The following FAH variants were observed in gnomAD, a reference collection of about 807,000 sequenced individuals.
FAH encodes fumarylacetoacetase.
Under a neutral mutation model 55.8 loss-of-function variants are expected in FAH, and 47 were observed. That is an observed-to-expected ratio of 0.84 (90% CI 0.67 to 1.07). The LOEUF (loss-of-function observed/expected upper bound fraction) is 1.07, where lower values mean the gene tolerates loss of function less well. FAH is among the 50% of genes least tolerant of loss of function. The pLI is 0.00. For missense variants in FAH, 495 were observed against 545.9 expected (o/e 0.91, Z 0.93); for synonymous variants, 199 against 207.7 (o/e 0.96, Z 0.36).
In FAH at chr15:80,160,414, T is replaced by C. The variant is rs1378780911; in HGVS notation, c.319T>C (p.Phe107Leu). Residue 107 changes from phenylalanine to leucine, a missense_variant, in exon 4 of 14, where the codon TTC (phenylalanine) becomes CTC (leucine). Phe to Leu is a conservative substitution (Grantham distance 22). Coordinates refer to ENST00000561421, the MANE Select transcript of FAH (RefSeq NM_000137.4). Reference sequence around the variant, plus strand: ...GCCCCTGGTTCTGTGTTTCAGTGCATTCATCTCCCAGGCTTCTGCCACGAT... The same window carrying C: ...GCCCCTGGTTCTGTGTTTCAGTGCACTCATCTCCCAGGCTTCTGCCACGAT... ...RDDTELRKCAFISQASATMHL... is the reference protein window; with the variant it reads ...RDDTELRKCALISQASATMHL... The C allele has an allele frequency of 6.2e-7, 1 of 1,614,126 alleles. No homozygotes were observed. The highest frequency in any genetic ancestry group is 8.5e-7 in the Non-Finnish European group (1 of 1,180,048).
intron 5 of FAH, among the ~76,000 whole-genome samples, chr15:80,165,724 AG>A (rs1195521892): frequency 1.3e-5 from 2 of 150,548 alleles, no homozygotes; most frequent in Non-Finnish European, 3.0e-5. Flanking sequence ...AAAAAAAAAA[AG>A]GTACAGTAAT....
At chr15:80,158,280 G>C (rs1005638172) in intron 2 of FAH, 110 bp downstream of exon 2, 19 of 847,968 alleles carry the variant, frequency 2.2e-5, no homozygotes, top group African/African-American at 2.1e-4. Context: ...GCCATCGAAG[G>C]TCTCAGAGGT....
In FAH at chr15:80,175,100, T is replaced by C. The variant is rs1263573218; in HGVS notation, c.913+9T>C. On this transcript the variant is annotated intron_variant, in intron 10 of 13. Coordinates refer to ENST00000561421, the MANE Select transcript of FAH (RefSeq NM_000137.4). ...CTCTGTTAACCTGAAAGGTATGTTG[T>C]AGGGGGACTGACATGGCCAGGAGCT... is the stretch of plus-strand genomic sequence containing the variant. 1 of 1,612,648 alleles carries C rather than the reference T, an allele frequency of 6.2e-7. No homozygotes were observed. The highest frequency in any genetic ancestry group is 1.7e-5 in the Admixed American group (1 of 60,034).
intron 8 of FAH, 114 bp downstream of exon 8, chr15:80,172,362 G>T: frequency 1.3e-6 from 1 of 770,452 alleles, no homozygotes; most frequent in South Asian, 1.4e-5. Flanking sequence ...GTGATGCAGT[G>T]ACTGAGAGTG....
chr15:80,155,854 T>C (rs2041094532), intron 1 of FAH: 2 of 464,492 alleles, frequency 4.3e-6, no homozygotes, highest in African/African-American at 4.0e-5. Context: ...CATTTTCTTC[T>C]ATGCACTTAT....
At position 80,168,251 on chromosome 15, in the gene FAH, G is replaced by A; in HGVS notation, c.554-13G>A. The A allele has an allele frequency of 1.3e-6, 2 of 1,567,988 alleles. No homozygotes were observed. Among genetic ancestry groups the A allele is most frequent in the Non-Finnish European group, 1.7e-6 (2 of 1,155,980 alleles). On this transcript the variant is annotated splice_polypyrimidine_tract_variant and intron_variant, in intron 6 of 13. Transcript: ENST00000561421. ...ACAGCACCGTTTTTTTTTTTTTTCTGGTGTTATTCCAGCTAAGCCTCCCGT... is the reference window on the plus strand; with the variant it reads ...ACAGCACCGTTTTTTTTTTTTTTCTAGTGTTATTCCAGCTAAGCCTCCCGT...
chr15:80,180,272 C>T, intron 12 of FAH, 47 bp downstream of exon 12: 1 of 1,476,128 alleles, frequency 6.8e-7, no homozygotes, highest in Non-Finnish European at 9.4e-7. Context: ...AGCATCCCTG[C>T]TCCCCACACA....
At chr15:80,159,662 A>G (rs908276891) in intron 2 of FAH, 94 bp from the exon 3 acceptor site, 10 of 1,469,402 alleles carry the variant, frequency 6.8e-6, no homozygotes, top group Non-Finnish European at 8.6e-6. Context: ...GAGAAGTGGC[A>G]AGGGCTGGCA....
At chr15:80,183,387 A>G (rs577466715) in intron 13 of FAH, among the ~76,000 whole-genome samples, 1 of 152,258 alleles carries the variant, frequency 6.6e-6, no homozygotes, top group Non-Finnish European at 1.5e-5. Context: ...TGGGCTAAGC[A>G]GGGGGTAAGC....
chr15:80,180,048 G>GCC, intron 11 of FAH, 76 bp from the exon 12 acceptor site: 1 of 1,046,150 alleles, frequency 9.6e-7, no homozygotes. Flanking sequence ...GAGCAGGGCA[G>GCC]GCTGTGCCCA....
rs1165344732 is a variant in FAH, at chr15:80,180,173, G to A, written c.1010G>A (p.Gly337Asp). 6.2e-7 allele frequency: 1 copy of A among 1,610,558 alleles called. No homozygotes were observed. Among genetic ancestry groups the A allele is most frequent in the Non-Finnish European group, 8.5e-7 (1 of 1,179,986 alleles). Residue 337 changes from glycine (G) to aspartate (D), a missense_variant, in exon 12 of 14, where the codon GGC becomes GAC. Physicochemically the swap from Gly to Asp is moderately conservative, Grantham distance 94. Transcript: ENST00000561421. ...CAGCTCACTCACCACTCTGTCAACGGCTGCAACCTGCGGCCGGGGGACCTC... is the reference window on the plus strand; with the variant it reads ...CAGCTCACTCACCACTCTGTCAACGACTGCAACCTGCGGCCGGGGGACCTC... ...LQQLTHHSVN[G>D]CNLRPGDLLA...
At chr15:80,157,849 A>G (rs1285496493) in intron 1 of FAH, 5 of 598,928 alleles carry the variant, frequency 8.3e-6, no homozygotes, top group Non-Finnish European at 1.5e-5. Flanking sequence ...CATTCAGGGA[A>G]CACAGATTAT....
intron 11 of FAH, among the ~76,000 whole-genome samples, 199 bp downstream of exon 11, chr15:80,177,782 G>A (rs1053885012): frequency 1.1e-4 from 16 of 152,184 alleles, no homozygotes; most frequent in African/African-American, 3.9e-4. Flanking sequence ...CTGCATAAAT[G>A]TGGCCAGTGA....
At position 80,158,188 on chromosome 15, in the gene FAH, G is replaced by A. The variant is rs772156602; in HGVS notation, c.192+18G>A. 1.4e-5 allele frequency: 21 copies of A among 1,554,130 alleles called. No individual in the cohort carries two copies. The highest frequency in any genetic ancestry group is 4.1e-5 in the African/African-American group (3 of 73,780). Reference sequence around the variant, plus strand: ...TCAATCAGGTAGGACATTGTGAAACGACTTGTCCCTGACCTCAGTGGCACT... The same window carrying A: ...TCAATCAGGTAGGACATTGTGAAACAACTTGTCCCTGACCTCAGTGGCACT... On this transcript the variant is annotated intron_variant, in intron 2 of 13. Coordinates refer to ENST00000561421, the MANE Select transcript of FAH (RefSeq NM_000137.4).
intron 7 of FAH, among the ~76,000 whole-genome samples, chr15:80,170,758 G>A (rs2041234058): frequency 6.6e-6 from 1 of 152,208 alleles, no homozygotes; most frequent in South Asian, 2.1e-4. Flanking sequence ...TAGTGCTTTT[G>A]GGTTCTTTTT....
At chr15:80,161,089 G>A (rs907221783) in intron 4 of FAH, among the ~76,000 whole-genome samples, 2 of 152,120 alleles carry the variant, frequency 1.3e-5, no homozygotes, top group Admixed American at 6.5e-5. Context: ...GGCTGCTTGG[G>A]CTAAGCTGAC....
chr15:80,175,129 A>G (rs1229956866), intron 10 of FAH, 38 bp downstream of exon 10: 1 of 1,576,198 alleles, frequency 6.3e-7, no homozygotes, highest in East Asian at 2.2e-5. Context: ...AGGAGCTCTG[A>G]GGCAATGTGT....
At chr15:80,174,892 C>T in intron 9 of FAH, 124 bp from the exon 10 acceptor site, 1 of 778,250 alleles carries the variant, frequency 1.3e-6, no homozygotes, top group Non-Finnish European at 2.3e-6. Flanking sequence ...GGGAATGCTC[C>T]TGCTGTCTCA....
intron 1 of FAH, among the ~76,000 whole-genome samples, chr15:80,155,642 T>C (rs2142088891): frequency 6.6e-6 from 1 of 152,048 alleles, no homozygotes. Flanking sequence ...CCCGGGGCAC[T>C]GCTACCACTG....
Sources: allele counts gnomAD v4.1 joint callset (sites outside exome capture counted in the v4.1 genomes callset), GRCh38; gene constraint gnomAD v4.1.1; transcripts MANE v1.5; gene names NCBI Gene and HGNC (gene_info 2026-07-23, HGNC 2026-07-21).